The following DPP10 variants were observed in gnomAD, a reference collection of about 807,000 sequenced individuals.
DPP10 encodes the protein dipeptidyl peptidase like 10.
In DPP10, 33 loss-of-function variants were observed where a neutral mutation model predicts 120.9. The observed-to-expected ratio is 0.27, with a 90% CI of 0.21 to 0.37. The LOEUF (loss-of-function observed/expected upper bound fraction) is 0.37, where lower values mean the gene tolerates loss of function less well. DPP10 is among the 10% of genes least tolerant of loss of function. The probability of loss-of-function intolerance (pLI) is 1.00; values close to 1 mark genes in which losing one functional copy is unlikely to be tolerated. For synonymous variants in DPP10, 337 were observed against 326.1 expected (o/e 1.03, Z -0.36); for missense variants, 816 against 942.8 (o/e 0.87, Z 1.76).
intron 1 of DPP10, among the ~76,000 whole-genome samples, chr2:114,776,649 G>A (rs997285692): frequency 1.3e-5 from 2 of 152,056 alleles, no homozygotes; most frequent in African/African-American, 4.8e-5. Flanking sequence ...GTCATCTATG[G>A]TGGGAGCTGA....
intron 1 of DPP10, chr2:114,828,531 A>G (rs1395451061): frequency 1.3e-5 from 2 of 152,200 alleles, no homozygotes; most frequent in Non-Finnish European, 2.9e-5. Flanking sequence ...TATAGTTTAG[A>G]TGGAGGTAAC....
chr2:114,605,334 T>C (rs540702943), intron 1 of DPP10, among the ~76,000 whole-genome samples: 3 of 152,152 alleles, frequency 2.0e-5, no homozygotes, highest in African/African-American at 7.2e-5. Flanking sequence ...ATCCCTGAAA[T>C]AGCAAGAGCA....
chr2:115,265,302 C>CAT lies in DPP10; in HGVS notation c.61-43928_61-43927dup, dbSNP rs1316515849. Among the ~76,000 whole-genome samples the CAT allele has an allele frequency of 7.9e-4, 117 of 148,680 alleles. 1 individual carries two copies. The highest frequency in any genetic ancestry group is 2.7e-3 in the African/African-American group (108 of 40,036). ...ATATATATATATATATGCACACATA[C>CAT]ATATATATATGATTCTCCTTTAATT... On this transcript the variant is annotated intron_variant, in intron 1 of 25. Coordinates refer to ENST00000410059, the MANE Select transcript of DPP10 (RefSeq NM_020868.6).
chr2:114,854,907 C>T (rs79007046), intron 1 of DPP10, among the ~76,000 whole-genome samples: 3,242 of 152,184 alleles, frequency 0.021, 126 homozygotes, highest in African/African-American at 0.075. Context: ...TGTGTATGTG[C>T]ATTTATAGAA....
chr2:114,933,168 G>T (rs1401320706), intron 1 of DPP10, among the ~76,000 whole-genome samples: 1 of 152,110 alleles, frequency 6.6e-6, no homozygotes, highest in Admixed American at 6.5e-5. Context: ...TTGCTCTTAG[G>T]GAGCTTATAT....
At chr2:114,838,985 G>A (rs1045966823) in intron 1 of DPP10, among the ~76,000 whole-genome samples, 5 of 152,076 alleles carry the variant, frequency 3.3e-5, no homozygotes, top group Non-Finnish European at 5.9e-5. Context: ...TCTATTTTAT[G>A]TATCATATCC....
chr2:115,634,774 C>T (rs1018763264), intron 5 of DPP10, among the ~76,000 whole-genome samples: 2 of 152,176 alleles, frequency 1.3e-5, no homozygotes, highest in Non-Finnish European at 2.9e-5. Context: ...AGGAATCCCA[C>T]TTGTCTAGAC....
chr2:115,841,814 G>A (rs1418913219), intron 25 of DPP10, among the ~76,000 whole-genome samples: 1 of 152,156 alleles, frequency 6.6e-6, no homozygotes, highest in Admixed American at 6.5e-5. Flanking sequence ...CTGCAAAGGA[G>A]ACAAAGACTG....
intron 5 of DPP10, among the ~76,000 whole-genome samples, chr2:115,580,855 G>T (rs955445296): frequency 6.6e-6 from 1 of 151,996 alleles, no homozygotes; most frequent in Non-Finnish European, 1.5e-5. Context: ...AAGAGGCCAA[G>T]ATATTTTTCT....
intron 1 of DPP10, among the ~76,000 whole-genome samples, chr2:115,089,703 T>C (rs1265078343): frequency 6.6e-6 from 1 of 152,214 alleles, no homozygotes; most frequent in East Asian, 1.9e-4. Context: ...AACATAGTTT[T>C]GGAAAAGTGC....
At chr2:115,046,402 A>G (rs1705075178) in intron 1 of DPP10, among the ~76,000 whole-genome samples, 1 of 152,078 alleles carries the variant, frequency 6.6e-6, no homozygotes, top group Non-Finnish European at 1.5e-5. Flanking sequence ...AGCCTTCACA[A>G]CCCCTGGGCA....
chr2:115,025,276 A>T (rs2105204599), intron 1 of DPP10, among the ~76,000 whole-genome samples: 1 of 152,148 alleles, frequency 6.6e-6, no homozygotes, highest in Non-Finnish European at 1.5e-5. Context: ...TGCTTGACTT[A>T]TTTCACCTAG....
At chr2:114,683,079 G>C (rs1040208110) in intron 1 of DPP10, among the ~76,000 whole-genome samples, 15 of 151,918 alleles carry the variant, frequency 9.9e-5, no homozygotes, top group African/African-American at 3.6e-4. Context: ...CCAGACACTG[G>C]TGATGATAAG....
At chr2:115,299,954 G>T (rs2061050890) in intron 1 of DPP10, among the ~76,000 whole-genome samples, 1 of 151,996 alleles carries the variant, frequency 6.6e-6, no homozygotes, top group Non-Finnish European at 1.5e-5. Context: ...CCTTAACAGG[G>T]ATTTGAAGAT....
At chr2:115,281,063 G>T (rs1054746762) in intron 1 of DPP10, among the ~76,000 whole-genome samples, 5 of 152,094 alleles carry the variant, frequency 3.3e-5, no homozygotes, top group East Asian at 1.9e-4. Context: ...ATACACAAGA[G>T]ATTTTATTTT....
At chr2:115,157,958 T>C (rs2104939505) in intron 1 of DPP10, among the ~76,000 whole-genome samples, 1 of 152,314 alleles carries the variant, frequency 6.6e-6, no homozygotes, top group African/African-American at 2.4e-5. Flanking sequence ...TGAGGGTTTC[T>C]AGCAACTAGC....
chr2:115,362,374 T>G (rs2064835284), intron 3 of DPP10, among the ~76,000 whole-genome samples: 1 of 152,224 alleles, frequency 6.6e-6, no homozygotes, highest in African/African-American at 2.4e-5. Context: ...TATATGCTTA[T>G]TTTATAAATG....
chr2:114,895,070 G>A (rs1301335425), intron 1 of DPP10, among the ~76,000 whole-genome samples: 1 of 152,138 alleles, frequency 6.6e-6, no homozygotes, highest in East Asian at 1.9e-4. Flanking sequence ...TTCCTATATA[G>A]TTGTTGAGAA....
intron 3 of DPP10, among the ~76,000 whole-genome samples, chr2:115,381,280 C>G (rs147685197): frequency 0.057 from 8,692 of 152,166 alleles, 346 homozygotes; most frequent in Middle Eastern, 0.099. Flanking sequence ...CTAAGCTTCC[C>G]TTCTCACTTC....
Sources: gnomAD v4.1 joint callset for allele counts (sites outside exome capture counted in the v4.1 genomes callset) on GRCh38, gnomAD v4.1.1 for gene constraint, MANE v1.5 for transcripts, NCBI Gene and HGNC (gene_info 2026-07-23, HGNC 2026-07-21) for gene names.